Variants in ZC3H12B observed in about 807,000 individuals in gnomAD.
ZC3H12B encodes the protein zinc finger CCCH-type containing 12B.
A neutral mutation model predicts 43.9 loss-of-function variants in ZC3H12B; 7 were observed. The observed-to-expected ratio is 0.16, with a 90% CI of 0.09 to 0.30. The LOEUF is 0.30. ZC3H12B is among the 10% of genes least tolerant of loss of function. The probability of loss-of-function intolerance (pLI) is 1.00; values close to 1 mark genes in which losing one functional copy is unlikely to be tolerated. For missense variants in ZC3H12B, 475 were observed against 670.2 expected (o/e 0.71, Z 3.22); for synonymous variants, 222 against 241.7 (o/e 0.92, Z 0.76).
the ZC3H12B span, among the ~76,000 whole-genome samples, chrX:65,061,129 T>A: frequency 3.6e-5 from 4 of 111,748 alleles, no homozygotes; most frequent in African/African-American, 1.3e-4. Context: ...TTCTTTTATG[T>A]TTTTTTATTT....
At chrX:65,114,956 A>T in the ZC3H12B span, among the ~76,000 whole-genome samples, 7 of 81,858 alleles carry the variant, frequency 8.6e-5, no homozygotes, top group African/African-American at 2.8e-4. Flanking sequence ...CTTTCCACAA[A>T]TGTTTACAAT....
the ZC3H12B span, among the ~76,000 whole-genome samples, chrX:65,346,326 T>G: frequency 1.8e-5 from 2 of 109,372 alleles, no homozygotes; most frequent in Non-Finnish European, 3.8e-5. Flanking sequence ...AAAACCACAT[T>G]CCTACAACCA....
intron 2 of ZC3H12B, among the ~76,000 whole-genome samples, chrX:65,390,105 AG>A (rs2066591317): frequency 8.9e-6 from 1 of 111,793 alleles, no homozygotes; most frequent in Non-Finnish European, 1.9e-5. Context: ...TGTCCTTTGT[AG>A]GGACATGGAT....
the ZC3H12B span, among the ~76,000 whole-genome samples, chrX:65,181,586 G>T: frequency 2.7e-5 from 3 of 111,687 alleles, no homozygotes; most frequent in Admixed American, 2.9e-4. Context: ...CAGAAAGTGG[G>T]CAAAGGATAT....
the ZC3H12B span, among the ~76,000 whole-genome samples, chrX:65,355,555 T>C: frequency 6.3e-5 from 7 of 111,644 alleles, no homozygotes; most frequent in African/African-American, 2.3e-4. Flanking sequence ...AGATTAAGAT[T>C]CTAGAAAAAT....
the ZC3H12B span, among the ~76,000 whole-genome samples, chrX:65,294,669 A>C: frequency 8.9e-6 from 1 of 111,825 alleles, no homozygotes; most frequent in Non-Finnish European, 1.9e-5. Context: ...TATTCCATGC[A>C]AATGTACACT....
the ZC3H12B span, among the ~76,000 whole-genome samples, chrX:65,347,264 A>G: frequency 9.0e-6 from 1 of 111,564 alleles, no homozygotes; most frequent in Non-Finnish European, 1.9e-5. Context: ...GAGCACATCC[A>G]CTCAGAGACC....
At chrX:65,398,888 T>G (rs765454167) in intron 3 of ZC3H12B, among the ~76,000 whole-genome samples, 184 bp downstream of exon 5, 18 of 111,860 alleles carry the variant, frequency 1.6e-4, no homozygotes, top group Non-Finnish European at 3.4e-4. Flanking sequence ...TGCAGTGGAC[T>G]CATTTTTGAC....
chrX:65,418,956 C>T (rs920401856), intron 3 of ZC3H12B, among the ~76,000 whole-genome samples: 4 of 111,800 alleles, frequency 3.6e-5, no homozygotes, highest in African/African-American at 1.3e-4. Context: ...ACCAGACCTT[C>T]CAAGGATTAC....
chrX:65,477,932 T>C (rs2068017148), intron 3 of ZC3H12B, among the ~76,000 whole-genome samples: 1 of 108,876 alleles, frequency 9.2e-6, no homozygotes. Context: ...CCCTTCAGAC[T>C]AGGTAATCTC....
intron 3 of ZC3H12B, among the ~76,000 whole-genome samples, chrX:65,481,027 G>A (rs1044096218): frequency 4.5e-5 from 5 of 111,206 alleles, no homozygotes; most frequent in African/African-American, 1.6e-4. Flanking sequence ...AGAAACAAAC[G>A]TTACAACTAG....
the ZC3H12B span, among the ~76,000 whole-genome samples, chrX:65,105,739 C>G: frequency 3.6e-5 from 4 of 111,480 alleles, no homozygotes; most frequent in Admixed American, 1.9e-4. Context: ...GGTAGCCATT[C>G]ATGTGGTGTC....
At chrX:65,351,196 A>G in the ZC3H12B span, among the ~76,000 whole-genome samples, 1 of 111,895 alleles carries the variant, frequency 8.9e-6, no homozygotes, top group Non-Finnish European at 1.9e-5. Flanking sequence ...ATCTTTGACA[A>G]ACCTGACAAA....
chrX:65,241,413 A>T, the ZC3H12B span, among the ~76,000 whole-genome samples: 1 of 100,711 alleles, frequency 9.9e-6, no homozygotes, highest in Non-Finnish European at 2.0e-5. Flanking sequence ...GCAGGCTAGA[A>T]CTGCCTAGTT....
the ZC3H12B span, among the ~76,000 whole-genome samples, chrX:65,069,141 CT>C: frequency 9.2e-6 from 1 of 109,021 alleles, no homozygotes; most frequent in Admixed American, 1.0e-4. Context: ...GTTGTATAAA[CT>C]TGTATTTGGA....
the ZC3H12B span, among the ~76,000 whole-genome samples, chrX:65,183,890 G>A: frequency 2.7e-5 from 3 of 111,170 alleles, no homozygotes; most frequent in African/African-American, 9.8e-5. Context: ...TTTACCTGAT[G>A]CCCTTTTTTA....
the ZC3H12B span, among the ~76,000 whole-genome samples, chrX:65,214,846 A>G: frequency 9.0e-6 from 1 of 111,427 alleles, no homozygotes; most frequent in East Asian, 2.8e-4. Flanking sequence ...CAAAATATAT[A>G]TCTTAAATAA....
chrX:65,135,027 C>A, the ZC3H12B span, among the ~76,000 whole-genome samples: 2 of 110,931 alleles, frequency 1.8e-5, no homozygotes, highest in Admixed American at 9.6e-5. Context: ...TCTTCACTTG[C>A]TTTAGACACC....
the ZC3H12B span, among the ~76,000 whole-genome samples, chrX:65,323,363 G>A: frequency 1.8e-5 from 2 of 111,840 alleles, no homozygotes; most frequent in African/African-American, 3.3e-5. Flanking sequence ...CCCCCGACAG[G>A]CCCTGGTGTG....
Sources: allele counts gnomAD v4.1 joint callset (sites outside exome capture counted in the v4.1 genomes callset), GRCh38; gene constraint gnomAD v4.1.1; transcripts MANE v1.5; gene names NCBI Gene and HGNC (gene_info 2026-07-23, HGNC 2026-07-21).